Variants in CHST11 observed in about 807,000 individuals in gnomAD.
CHST11 encodes the protein carbohydrate sulfotransferase 11, also known as C4S-1.
A neutral mutation model predicts 30.4 loss-of-function variants in CHST11; 9 were observed. The observed-to-expected ratio is 0.30, with a 90% CI of 0.18 to 0.52. The LOEUF (loss-of-function observed/expected upper bound fraction) is 0.52, where lower values mean the gene tolerates loss of function less well. CHST11 is among the 20% of genes least tolerant of loss of function. The pLI is 0.97. For synonymous variants in CHST11, 152 were observed against 187.8 expected, an observed-to-expected ratio of 0.81 and a Z score of 1.56; for missense variants, 348 against 460.6, an observed-to-expected ratio of 0.76 and a Z score of 2.24.
chr12:104,503,370 G>A (rs778242523), intron 1 of CHST11, among the ~76,000 whole-genome samples: 56 of 152,202 alleles, frequency 3.7e-4, no homozygotes, highest in Non-Finnish European at 6.6e-4. Context: ...CCCCAAATCT[G>A]CATTCTAACC....
At chr12:104,682,797 A>G (rs1458700591) in intron 2 of CHST11, among the ~76,000 whole-genome samples, 1 of 152,236 alleles carries the variant, frequency 6.6e-6, no homozygotes, top group Non-Finnish European at 1.5e-5. Context: ...AATCCCAGTG[A>G]CAGCAGCATA....
intron 1 of CHST11, among the ~76,000 whole-genome samples, chr12:104,502,777 T>G (rs1039254477): frequency 5.9e-5 from 9 of 152,200 alleles, no homozygotes; most frequent in Non-Finnish European, 1.3e-4. Context: ...GTTATAAATC[T>G]TCAGTTAGAA....
rs567981813 is a variant in CHST11, at chr12:104,652,650, G to A, written c.204+50659G>A. Among the ~76,000 whole-genome samples, 8 of 152,364 alleles carry A rather than the reference G, an allele frequency of 5.3e-5. No homozygotes were observed. In the South Asian group the frequency reaches 1.7e-3, roughly 32 times the overall value. ...GTACATTCCCAAGGCCCAAGACAGA[G>A]GAAGTGATTTACAAACCTAGCCCAG... is the stretch of plus-strand genomic sequence containing the variant. On this transcript the variant is annotated intron_variant, in intron 2 of 2. Transcript: ENST00000303694.
At chr12:104,541,543 G>A (rs759356405) in intron 1 of CHST11, among the ~76,000 whole-genome samples, 1 of 152,150 alleles carries the variant, frequency 6.6e-6, no homozygotes, top group African/African-American at 2.4e-5. Flanking sequence ...TTAAATGTCT[G>A]TGGTGGGCTA....
In CHST11 at chr12:104,458,422, G is replaced by A. The variant is rs914776110; in HGVS notation, c.118+893G>A. 2.6e-5 allele frequency among the ~76,000 whole-genome samples: 4 copies of A among 152,230 alleles called. No individual in the cohort carries two copies. The highest frequency in any genetic ancestry group is 9.6e-5 in the African/African-American group (4 of 41,468). Reference sequence around the variant, plus strand: ...TCCGGTCCCTTGTGGCTCAGGCAAAGTTCCACGTCCGAAATCTGGACTGGG... The same window carrying A: ...TCCGGTCCCTTGTGGCTCAGGCAAAATTCCACGTCCGAAATCTGGACTGGG... On this transcript the variant is annotated intron_variant, in intron 1 of 2. Coordinates refer to ENST00000303694, the MANE Select transcript of CHST11 (RefSeq NM_018413.6). This position sits in a 1 kb window ranked among gnomAD's most constrained non-coding sequence, Gnocchi z 5.7.
chr12:104,716,948 C>A (rs898562853), intron 2 of CHST11, among the ~76,000 whole-genome samples: 1 of 152,196 alleles, frequency 6.6e-6, no homozygotes. Flanking sequence ...TCGGGGGCCA[C>A]CTTCATTCCT....
chr12:104,559,963 C>T (rs555289033), intron 1 of CHST11, among the ~76,000 whole-genome samples: 47 of 152,196 alleles, frequency 3.1e-4, no homozygotes, highest in African/African-American at 1.1e-3. Context: ...TGGAAGGTAC[C>T]GTTGAGGAAG....
intron 1 of CHST11, among the ~76,000 whole-genome samples, chr12:104,544,134 A>T (rs374259103): frequency 1.8e-4 from 4 of 22,402 alleles, no homozygotes; most frequent in African/African-American, 4.6e-4. Flanking sequence ...TTAAAAAAAA[A>T]AAAAAAAGAA....
intron 1 of CHST11, among the ~76,000 whole-genome samples, chr12:104,471,269 T>C (rs544557176): frequency 3.3e-5 from 5 of 152,298 alleles, no homozygotes; most frequent in Admixed American, 1.3e-4. Flanking sequence ...ACATCTCCAA[T>C]AGAGCCTGGT....
chr12:104,706,777 C>A (rs1310370562), intron 2 of CHST11, among the ~76,000 whole-genome samples: 2 of 152,146 alleles, frequency 1.3e-5, no homozygotes, highest in Non-Finnish European at 1.5e-5. Context: ...CAGCTATCTT[C>A]TGTCAGACTA....
At chr12:104,642,097 T>C (rs1414272856) in intron 2 of CHST11, among the ~76,000 whole-genome samples, 1 of 152,202 alleles carries the variant, frequency 6.6e-6, no homozygotes, top group Non-Finnish European at 1.5e-5. Flanking sequence ...TTAGTGACAC[T>C]TCTGAGAAGC....
rs1166174590 is a variant in CHST11, at chr12:104,487,462, A to G, written c.118+29933A>G. Among the ~76,000 whole-genome samples, 3 of 152,184 alleles carry G rather than the reference A, an allele frequency of 2.0e-5. No homozygotes were observed. In the East Asian group the frequency reaches 5.8e-4, roughly 29 times the overall value. The stretch of plus-strand genomic sequence containing the variant: ...CTCTTTGTAGAGACAAGGTCTCAGT[A>G]TGTTGCCCCGGCTGGTCTTGAATGC... On this transcript the variant is annotated intron_variant, in intron 1 of 2. Coordinates refer to ENST00000303694, the MANE Select transcript of CHST11 (RefSeq NM_018413.6).
chr12:104,704,519 A>C (rs1374834309), intron 2 of CHST11, among the ~76,000 whole-genome samples: 1 of 152,120 alleles, frequency 6.6e-6, no homozygotes, highest in African/African-American at 2.4e-5. Flanking sequence ...GGTGGGACCC[A>C]GCTGCCTTGA....
At position 104,520,489 on chromosome 12, in the gene CHST11, C is replaced by CT. The variant is rs903274327; in HGVS notation, c.118+62969dup. Among the ~76,000 whole-genome samples the CT allele has an allele frequency of 2.1e-4, 31 of 150,926 alleles. No homozygotes were observed. In the South Asian group the frequency reaches 3.8e-3, roughly 18 times the overall value. ...GCTGCTACTTAGCCACTTGTGTAACCTTTTTTTTTAAACAAAACAAAACAA... is the reference window on the plus strand; with the variant it reads ...GCTGCTACTTAGCCACTTGTGTAACCTTTTTTTTTTAAACAAAACAAAACAA... On this transcript the variant is annotated intron_variant, in intron 1 of 2. Transcript: ENST00000303694.
intron 2 of CHST11, among the ~76,000 whole-genome samples, chr12:104,689,736 A>G (rs2039880426): frequency 6.6e-6 from 1 of 152,144 alleles, no homozygotes; most frequent in South Asian, 2.1e-4. Context: ...GAAGACCATC[A>G]TGGGAACATA....
intron 1 of CHST11, among the ~76,000 whole-genome samples, chr12:104,483,780 G>A (rs919560560): frequency 6.6e-6 from 1 of 152,164 alleles, no homozygotes; most frequent in African/African-American, 2.4e-5. Context: ...TATTGGGTGA[G>A]TGAAAGGAAC....
chr12:104,460,723 C>G (rs2037400462), intron 1 of CHST11, among the ~76,000 whole-genome samples: 1 of 151,198 alleles, frequency 6.6e-6, no homozygotes, highest in Non-Finnish European at 1.5e-5. Flanking sequence ...CTGTCCCTCT[C>G]TCTGATTCTA....
chr12:104,617,910 C>CT (rs112111398), intron 2 of CHST11, among the ~76,000 whole-genome samples: 4,994 of 146,452 alleles, frequency 0.034, 224 homozygotes, highest in South Asian at 0.12. Context: ...TTCCTTTTTC[C>CT]TTTTTTTTTT....
intron 1 of CHST11, among the ~76,000 whole-genome samples, chr12:104,501,187 G>T (rs2037850580): frequency 6.6e-6 from 1 of 152,210 alleles, no homozygotes; most frequent in African/African-American, 2.4e-5. Flanking sequence ...GGAGTAGAAA[G>T]ATGCTCAAGG....
Sources: allele counts gnomAD v4.1 joint callset (sites outside exome capture counted in the v4.1 genomes callset), GRCh38; gene constraint gnomAD v4.1.1; non-coding constraint Gnocchi (gnomAD v3.1); transcripts MANE v1.5; gene names NCBI Gene and HGNC (gene_info 2026-07-23, HGNC 2026-07-21).